IFT140: variants seen among roughly 807,000 people sequenced by gnomAD.
IFT140 encodes intraflagellar transport 140, also known as intraflagellar transport protein 140 homolog.
In IFT140, 133 loss-of-function variants were observed where a neutral mutation model predicts 164.6. That is an observed-to-expected ratio of 0.81 (90% CI 0.70 to 0.93). IFT140 has a LOEUF of 0.93. IFT140 is among the 40% of genes least tolerant of loss of function. IFT140 has a pLI of 0.00. For missense variants in IFT140, 2,045 were observed against 1,972.3 expected (o/e 1.04, Z -0.70); for synonymous variants, 860 against 817.3 (o/e 1.05, Z -0.89).
chr16:1,534,612 G>A (rs1036194182), intron 19 of IFT140: 32 of 1,593,144 alleles, frequency 2.0e-5, no homozygotes, highest in African/African-American at 2.7e-5. Flanking sequence ...AGGGCACATG[G>A]GAGATGTTAG....
chr16:1,542,234 C>T (rs897775530), intron 19 of IFT140, among the ~76,000 whole-genome samples: 1 of 152,250 alleles, frequency 6.6e-6, no homozygotes, highest in Non-Finnish European at 1.5e-5. Flanking sequence ...GGGCATCCTC[C>T]CTCCCTCTTG....
At chr16:1,594,912 G>A (rs1480041647) in intron 4 of IFT140, among the ~76,000 whole-genome samples, 3 of 152,218 alleles carry the variant, frequency 2.0e-5, no homozygotes, top group African/African-American at 7.2e-5. Flanking sequence ...AGGCAGCACC[G>A]ACTCCAATCT....
intron 19 of IFT140, among the ~76,000 whole-genome samples, chr16:1,537,946 C>T (rs530534593): frequency 3.9e-5 from 6 of 152,360 alleles, no homozygotes; most frequent in African/African-American, 1.4e-4. Context: ...CCGGGCTTCA[C>T]CCCCTGCTCG....
intron 19 of IFT140, chr16:1,540,900 C>T: frequency 1.0e-6 from 1 of 985,426 alleles, no homozygotes; most frequent in South Asian, 4.7e-5. Context: ...GTCCCTGACT[C>T]CAGGCTGAGT....
chr16:1,519,851 G>A, intron 29 of IFT140, 30 bp downstream of exon 29: 1 of 1,514,474 alleles, frequency 6.6e-7, no homozygotes, highest in South Asian at 1.3e-5. Flanking sequence ...CATCTGCCCT[G>A]GCCTGTCCCC....
chr16:1,580,789 C>A lies in IFT140; in HGVS notation c.1494G>T (p.Glu498Asp). The A allele has an allele frequency of 6.2e-7, 1 of 1,614,000 alleles. No individual in the cohort carries two copies. Residue 498 changes from glutamate (E) to aspartate (D), a missense_variant, in exon 13 of 31, where the codon GAG becomes GAT. Glu to Asp is a conservative substitution (Grantham distance 45). Transcript: ENST00000426508. ...AGGTTCGAACTTGAACTCGGTTTGA[C>A]TCCACCGTGTAAACGTTTTCTTCAT... ...AMHEENVYTV[E>D]SNRVQVRTWQ... is the part of the protein sequence containing the mutation.
At chr16:1,523,468 G>A in intron 26 of IFT140, 50 bp downstream of exon 26, 2 of 1,573,240 alleles carry the variant, frequency 1.3e-6, no homozygotes, top group Non-Finnish European at 1.7e-6. Context: ...CAGGAGACCT[G>A]AGCCGTGGTG....
chr16:1,575,307 T>G (rs2034219773), intron 13 of IFT140, among the ~76,000 whole-genome samples: 1 of 151,818 alleles, frequency 6.6e-6, no homozygotes, highest in Non-Finnish European at 1.5e-5. Flanking sequence ...CCCAGGAGTT[T>G]GAGGCTGCAG....
At chr16:1,557,386 A>G (rs1313326350) in intron 19 of IFT140, among the ~76,000 whole-genome samples, 1 of 152,182 alleles carries the variant, frequency 6.6e-6, no homozygotes, top group East Asian at 1.9e-4. Context: ...CTGCACGTTG[A>G]GGGAGGGCTT....
intron 14 of IFT140, among the ~76,000 whole-genome samples, chr16:1,568,808 T>C (rs2033862183): frequency 6.6e-6 from 1 of 152,122 alleles, no homozygotes; most frequent in African/African-American, 2.4e-5. Context: ...GTTCTATACC[T>C]GGAGTTTGTG....
At chr16:1,528,322 TGCAC>T (rs904796608) in intron 19 of IFT140, among the ~76,000 whole-genome samples, 2 of 117,082 alleles carry the variant, frequency 1.7e-5, no homozygotes, top group Non-Finnish European at 1.7e-5. Context: ...CACGCACGCA[TGCAC>T]GCACGTGTGC....
intron 19 of IFT140, chr16:1,555,568 ACT>A (rs1451089841): frequency 5.5e-4 from 86 of 157,242 alleles, no homozygotes; most frequent in Admixed American, 6.2e-4. Context: ...AAGCCTCTGA[ACT>A]CTGTCTATAA....
At position 1,584,415 on chromosome 16, in the gene IFT140, A is replaced by G. The variant is rs2034755663; in HGVS notation, c.1161T>C (p.Gly387=). The stretch of plus-strand genomic sequence containing the variant: ...TCACTGCCAGCAGGTTCTTCCTGGA[A>G]CCCCACTTCATTTCCAGGTTGCAAG... ...LQGNITQIQW[G]SRKNLLAVNS... The change falls in exon 11 of 31, where the codon GGT becomes GGC. Residue 387 remains glycine, a synonymous_variant. Coordinates refer to ENST00000426508, the MANE Select transcript of IFT140 (RefSeq NM_014714.4). 1 of 1,603,784 alleles carries G rather than the reference A, an allele frequency of 6.2e-7. No homozygotes were observed. Among genetic ancestry groups the G allele is most frequent in the Non-Finnish European group, 8.5e-7 (1 of 1,176,118 alleles).
At chr16:1,535,626 G>A (rs941576998) in intron 19 of IFT140, among the ~76,000 whole-genome samples, 20 of 152,168 alleles carry the variant, frequency 1.3e-4, no homozygotes, top group Admixed American at 4.6e-4. Flanking sequence ...CCAACCTGCC[G>A]CGCTCAGAAC....
chr16:1,580,943 A>C, intron 12 of IFT140, 93 bp from the exon 13 acceptor site: 2 of 813,266 alleles, frequency 2.5e-6, no homozygotes, highest in South Asian at 1.4e-5. Context: ...TCCCTAATTA[A>C]TCTCAGCCTC....
intron 19 of IFT140, chr16:1,541,775 T>C: frequency 1.0e-6 from 1 of 1,004,240 alleles, no homozygotes; most frequent in Non-Finnish European, 1.4e-6. Flanking sequence ...GGCGTGATGC[T>C]TCCCGAAGCC....
At chr16:1,576,147 G>A (rs1299675347) in intron 13 of IFT140, among the ~76,000 whole-genome samples, 1 of 151,980 alleles carries the variant, frequency 6.6e-6, no homozygotes, top group Non-Finnish European at 1.5e-5. Flanking sequence ...CTAGCCAGGT[G>A]TGGTGGCACA....
intron 24 of IFT140, 122 bp downstream of exon 24, chr16:1,524,430 G>GT: frequency 7.5e-7 from 1 of 1,324,840 alleles, no homozygotes; most frequent in Non-Finnish European, 1.0e-6. Flanking sequence ...GGTGAGCAGT[G>GT]AGTGGCAGAC....
chr16:1,595,413 C>T (rs1356609396), intron 4 of IFT140, among the ~76,000 whole-genome samples: 1 of 151,936 alleles, frequency 6.6e-6, no homozygotes. Context: ...GTCAGGATTT[C>T]GAGACCAGCC....
Sources: gnomAD v4.1 joint callset for allele counts (sites outside exome capture counted in the v4.1 genomes callset) on GRCh38, gnomAD v4.1.1 for gene constraint, MANE v1.5 for transcripts, NCBI Gene and HGNC (gene_info 2026-07-23, HGNC 2026-07-21) for gene names.